The following UBE2N variants were observed in gnomAD, a reference collection of about 807,000 sequenced individuals.
The protein encoded by UBE2N is ubiquitin-conjugating enzyme E2 N.
For synonymous variants in UBE2N, 70 were observed against 69.2 expected, an observed-to-expected ratio of 1.01 and a Z score of -0.06; for missense variants, 60 against 192.1, an observed-to-expected ratio of 0.31 and a Z score of 4.07.
chr12:93,441,645 G>A (rs887249270), intron 1 of UBE2N, among the ~76,000 whole-genome samples: 12 of 151,872 alleles, frequency 7.9e-5, no homozygotes, highest in African/African-American at 2.9e-4. Flanking sequence ...CCGGGTCCCC[G>A]CTGTCCGGCT....
intron 1 of UBE2N, among the ~76,000 whole-genome samples, chr12:93,428,528 C>G (rs562923371): frequency 2.9e-4 from 44 of 152,272 alleles, no homozygotes; most frequent in African/African-American, 9.4e-4. Flanking sequence ...CCTTTGTATT[C>G]AATATACAAA....
intron 1 of UBE2N, among the ~76,000 whole-genome samples, chr12:93,422,228 G>T (rs2121074896): frequency 6.6e-6 from 1 of 152,202 alleles, no homozygotes; most frequent in Admixed American, 6.5e-5. Context: ...ATAATTAGTA[G>T]ACTCGTGGCA....
Position 93,432,933 on chromosome 12 carries a change from G to GTTTTTTT in UBE2N, c.30+8915_30+8921dup, listed in dbSNP as rs71071735. Among the ~76,000 whole-genome samples, 19 of 132,640 alleles carry GTTTTTTT rather than the reference G, an allele frequency of 1.4e-4. 3 individuals are homozygous for GTTTTTTT. The highest frequency in any genetic ancestry group is 2.3e-4 in the South Asian group (1 of 4,402). The allele number at this position is 132,640 out of a possible 152,430, so 87.0% of individuals were successfully genotyped here. A position where few individuals can be genotyped will look rare whatever the true frequency, so the allele number is the denominator to read the frequency against. ...GAAATTTTAGAATAGCTTCATTCAGGTTTTTTTTTTTTTTTGAGACGGAGT... is the reference window on the plus strand; with the variant it reads ...GAAATTTTAGAATAGCTTCATTCAGGTTTTTTTTTTTTTTTTTTTTTTGAGACGGAGT... On this transcript the variant is annotated intron_variant, in intron 1 of 3. Transcript: ENST00000318066.
chr12:93,422,005 A>G (rs532616281), intron 1 of UBE2N, among the ~76,000 whole-genome samples: 106 of 152,344 alleles, frequency 7.0e-4, no homozygotes, highest in Non-Finnish European at 1.2e-3. Flanking sequence ...GAGCAGAACC[A>G]GATTACAGGG....
intron 1 of UBE2N, among the ~76,000 whole-genome samples, chr12:93,417,418 T>A (rs1436742456): frequency 6.6e-6 from 1 of 152,188 alleles, no homozygotes; most frequent in African/African-American, 2.4e-5. Flanking sequence ...CAATGACAGG[T>A]CTTAGATGCT....
chr12:93,427,911 G>A (rs1050796690), intron 1 of UBE2N, among the ~76,000 whole-genome samples: 4 of 152,286 alleles, frequency 2.6e-5, no homozygotes, highest in African/African-American at 9.6e-5. Flanking sequence ...TTCACAGCAT[G>A]TTAACAGAGT....
intron 1 of UBE2N, chr12:93,441,233 C>G (rs1344405495): frequency 6.6e-6 from 1 of 152,304 alleles, no homozygotes; most frequent in Non-Finnish European, 1.5e-5. Context: ...GCGCGGGGCC[C>G]CCACGTCCCG....
In UBE2N at chr12:93,429,172, AG is replaced by A. The variant is rs764203691; in HGVS notation, c.30+12682del. On this transcript the variant is annotated intron_variant, in intron 1 of 3. Transcript: ENST00000318066. ...GTAGTCCCAGCTACTCAGGAGGCTG[AG>A]GAAGTAGAGCTGCTTGAACCCAGGA... 206 of 298,166 alleles carry A rather than the reference AG, an allele frequency of 6.9e-4. 2 individuals are homozygous for A. Among genetic ancestry groups the A allele is most frequent in the Middle Eastern group, 4.8e-3 (4 of 840 alleles). 18.5% of individuals were successfully genotyped at this position (298,166 alleles called of 1,614,324 possible). A position where few individuals can be genotyped will look rare whatever the true frequency, so the allele number is the denominator to read the frequency against.
chr12:93,420,715 T>C (rs532179558), intron 1 of UBE2N, among the ~76,000 whole-genome samples: 13 of 152,290 alleles, frequency 8.5e-5, no homozygotes, highest in African/African-American at 2.9e-4. Context: ...AGGAACAGCA[T>C]TTAAGATTAT....
intron 1 of UBE2N, among the ~76,000 whole-genome samples, chr12:93,437,788 C>CAACAAACA (rs143243536): frequency 1.3e-5 from 2 of 152,066 alleles, no homozygotes; most frequent in African/African-American, 4.8e-5. Flanking sequence ...GACTCCGTCT[C>CAACAAACA]AACAAACAAA....
At chr12:93,431,957 G>A (rs1391457858) in intron 1 of UBE2N, among the ~76,000 whole-genome samples, 2 of 152,060 alleles carry the variant, frequency 1.3e-5, no homozygotes, top group East Asian at 3.9e-4. Context: ...TCCTCGGCTG[G>A]GCGCGGTGGC....
intron 1 of UBE2N, among the ~76,000 whole-genome samples, chr12:93,429,960 T>G (rs1878708991): frequency 6.6e-6 from 1 of 152,192 alleles, no homozygotes; most frequent in Non-Finnish European, 1.5e-5. Context: ...AAGAAACATT[T>G]TAAAAAATTT....
Position 93,406,599 on chromosome 12 carries a change from CAAAA to C in UBE2N, c.*3436_*3439del, listed in dbSNP as rs1298641827. The stretch of plus-strand genomic sequence containing the variant: ...ACTTCCGTGGATTCAAACAACCAGA[CAAAA>C]TATTCCAAAAAACATTGTGTCTGTA... On this transcript the variant is annotated 3_prime_UTR_variant, in exon 4 of 4. Coordinates refer to ENST00000318066, the MANE Select transcript of UBE2N (RefSeq NM_003348.4). The C allele has an allele frequency of 1.3e-5, 2 of 152,170 alleles. No individual in the cohort carries two copies. Among genetic ancestry groups the C allele is most frequent in the Non-Finnish European group, 2.9e-5 (2 of 68,062 alleles). 9.4% of individuals were successfully genotyped at this position (152,170 alleles called of 1,614,324 possible).
chr12:93,438,529 C>A (rs1174585818), intron 1 of UBE2N, among the ~76,000 whole-genome samples: 3 of 151,648 alleles, frequency 2.0e-5, no homozygotes, highest in Non-Finnish European at 2.9e-5. Flanking sequence ...TGCAGATGCG[C>A]TCAGAAGTAG....
At chr12:93,424,885 CTA>C (rs1392472367) in intron 1 of UBE2N, among the ~76,000 whole-genome samples, 1 of 152,186 alleles carries the variant, frequency 6.6e-6, no homozygotes, top group Non-Finnish European at 1.5e-5. Context: ...TTCACAAAAT[CTA>C]TGCCTCACTT....
intron 1 of UBE2N, among the ~76,000 whole-genome samples, chr12:93,431,778 G>T (rs1878779929): frequency 6.6e-6 from 1 of 152,040 alleles, no homozygotes; most frequent in Admixed American, 6.5e-5. Flanking sequence ...AATTATTTTT[G>T]ATGAGACCCT....
chr12:93,429,047 G>A (rs1012864631), intron 1 of UBE2N, among the ~76,000 whole-genome samples: 11 of 152,006 alleles, frequency 7.2e-5, no homozygotes, highest in African/African-American at 2.7e-4. Context: ...TGAGGCGGGC[G>A]GATCACGAGG....
At chr12:93,423,179 A>G (rs1424883152) in intron 1 of UBE2N, among the ~76,000 whole-genome samples, 1 of 152,216 alleles carries the variant, frequency 6.6e-6, no homozygotes, top group African/African-American at 2.4e-5. Context: ...GAGCACTGAA[A>G]TCATCGTGAT....
At chr12:93,416,147 T>A (rs1016274448) in intron 1 of UBE2N, among the ~76,000 whole-genome samples, 1 of 152,198 alleles carries the variant, frequency 6.6e-6, no homozygotes, top group Non-Finnish European at 1.5e-5. Flanking sequence ...AACTGTTGGT[T>A]TCCCTAACAA....
Sources: allele counts gnomAD v4.1 joint callset (sites outside exome capture counted in the v4.1 genomes callset), GRCh38; gene constraint gnomAD v4.1.1; transcripts MANE v1.5; gene names NCBI Gene and HGNC (gene_info 2026-07-23, HGNC 2026-07-21).